Variants in DOCK3 observed in about 807,000 individuals in gnomAD.
The protein encoded by DOCK3 is dedicator of cytokinesis 3.
DOCK3 carries 60 observed loss-of-function variants against 265.6 expected under a neutral mutation model. That is an observed-to-expected ratio of 0.23 (90% CI 0.18 to 0.28). The LOEUF (loss-of-function observed/expected upper bound fraction) is 0.28. DOCK3 is among the 10% of genes least tolerant of loss of function. The probability of loss-of-function intolerance (pLI) is 1.00; values close to 1 mark genes in which losing one functional copy is unlikely to be tolerated. For missense variants in DOCK3, 1,981 were observed against 2,594.3 expected (o/e 0.76, Z 5.14); for synonymous variants, 881 against 938.0 (o/e 0.94, Z 1.11).
intron 3 of DOCK3, among the ~76,000 whole-genome samples, chr3:50,888,789 G>T (rs1461229897): frequency 3.9e-5 from 6 of 152,090 alleles, no homozygotes; most frequent in African/African-American, 1.4e-4. Flanking sequence ...AAATGGTGCT[G>T]GGAAAACTGG....
intron 1 of DOCK3, among the ~76,000 whole-genome samples, chr3:50,697,561 A>C (rs2035714604): frequency 6.6e-6 from 1 of 152,226 alleles, no homozygotes; most frequent in Admixed American, 6.5e-5. Context: ...ACTGCACTCC[A>C]GCCTGGGCAA....
intron 4 of DOCK3, among the ~76,000 whole-genome samples, chr3:50,907,770 A>G (rs2049609802): frequency 2.6e-5 from 4 of 152,082 alleles, no homozygotes. Flanking sequence ...GAATATTGTT[A>G]TGTGTGAATT....
chr3:50,767,082 G>T (rs188276576), intron 1 of DOCK3, among the ~76,000 whole-genome samples: 428 of 152,274 alleles, frequency 2.8e-3, no homozygotes, highest in Non-Finnish European at 4.7e-3. Flanking sequence ...TGTTCGCTCT[G>T]ATGGTAGTTT....
chr3:51,002,994 T>A (rs1001719618), intron 5 of DOCK3, among the ~76,000 whole-genome samples: 2 of 152,214 alleles, frequency 1.3e-5, no homozygotes, highest in Non-Finnish European at 2.9e-5. Context: ...ATGCCCTGAC[T>A]AGTCAAATAC....
At chr3:50,925,502 C>T (rs956592509) in intron 4 of DOCK3, among the ~76,000 whole-genome samples, 1 of 151,968 alleles carries the variant, frequency 6.6e-6, no homozygotes, top group African/African-American at 2.4e-5. Context: ...ATGATCATGC[C>T]TGTGAATAGG....
chr3:50,819,215 C>CCT (rs2044265036), intron 2 of DOCK3, among the ~76,000 whole-genome samples: 1 of 152,054 alleles, frequency 6.6e-6, no homozygotes, highest in Non-Finnish European at 1.5e-5. Flanking sequence ...TGCTTGATTC[C>CCT]AGCTTCCAGT....
chr3:50,735,366 T>C (rs773528395), intron 1 of DOCK3, among the ~76,000 whole-genome samples: 1 of 152,150 alleles, frequency 6.6e-6, no homozygotes, highest in Non-Finnish European at 1.5e-5. Flanking sequence ...TTTTTTGAGA[T>C]GGAGTCTCTG....
At chr3:51,262,337 A>G (rs2079900454) in intron 23 of DOCK3, among the ~76,000 whole-genome samples, 1 of 152,232 alleles carries the variant, frequency 6.6e-6, no homozygotes, top group African/African-American at 2.4e-5. Flanking sequence ...GACTGTTAGA[A>G]GAAAAACTAA....
Position 50,926,887 on chromosome 3 carries a change from C to T in DOCK3, c.219-7094C>T, listed in dbSNP as rs553369053. 3.3e-5 allele frequency among the ~76,000 whole-genome samples: 5 copies of T among 152,312 alleles called. No individual in the cohort carries two copies. The South Asian group carries it at 1.0e-3, about 32-fold the overall frequency. ...TGGTCTCCCTGTTTCTATCCATGTT[C>T]CCTTGCAGTTTATAGTGCAACATAA... On this transcript the variant is annotated intron_variant, in intron 4 of 52. Transcript: ENST00000266037.
intron 5 of DOCK3, among the ~76,000 whole-genome samples, chr3:51,053,189 C>T (rs2081073639): frequency 7.0e-6 from 1 of 142,630 alleles, no homozygotes; most frequent in African/African-American, 2.6e-5. Context: ...ATTCCTGTCC[C>T]TATCTCTCCC....
chr3:51,362,643 G>C lies in DOCK3; in HGVS notation c.5262G>C (p.Gln1754His). Residue 1754 changes from glutamine (Q) to histidine (H), a missense_variant, in exon 49 of 53, where the codon CAG becomes CAC. Physicochemically the swap from Gln to His is conservative, Grantham distance 24. Coordinates refer to ENST00000266037, the MANE Select transcript of DOCK3 (RefSeq NM_004947.5). ...GTTCCACTCACTCAGCACCATCCCA[G>C]ATGATTACCTCTGCCCCTTCCAGTG... ...SLSSTHSAPS[Q>H]MITSAPSSAR... 1 of 1,613,860 alleles carries C rather than the reference G, an allele frequency of 6.2e-7. No homozygotes were observed. The highest frequency in any genetic ancestry group is 8.5e-7 in the Non-Finnish European group (1 of 1,179,848).
intron 23 of DOCK3, among the ~76,000 whole-genome samples, chr3:51,269,602 A>G (rs2080388894): frequency 6.6e-6 from 1 of 152,148 alleles, no homozygotes; most frequent in Admixed American, 6.5e-5. Flanking sequence ...TGCCTGATGG[A>G]GCAGTCAAGA....
At chr3:51,357,276 A>T (rs1175405498) in intron 44 of DOCK3, 135 bp downstream of exon 44, 8 of 989,102 alleles carry the variant, frequency 8.1e-6, no homozygotes, top group African/African-American at 1.6e-5. Context: ...TCCTGGAATG[A>T]GGCCCTAAGC....
intron 3 of DOCK3, among the ~76,000 whole-genome samples, chr3:50,883,230 A>C (rs977645784): frequency 1.3e-5 from 2 of 152,048 alleles, no homozygotes; most frequent in Non-Finnish European, 2.9e-5. Context: ...ACAAACCTGC[A>C]CGTTGTGCAC....
chr3:50,695,675 A>C (rs147306104), intron 1 of DOCK3, among the ~76,000 whole-genome samples: 18 of 152,340 alleles, frequency 1.2e-4, no homozygotes, highest in Non-Finnish European at 7.3e-5. Context: ...AACTTTCCAC[A>C]ATCCTCAGCT....
intron 9 of DOCK3, among the ~76,000 whole-genome samples, chr3:51,105,567 T>TG (rs2083250007): frequency 6.6e-6 from 1 of 152,196 alleles, no homozygotes; most frequent in Non-Finnish European, 1.5e-5. Context: ...TATCTATATA[T>TG]AATGGAATAC....
At chr3:51,069,146 T>C (rs893307967) in intron 6 of DOCK3, among the ~76,000 whole-genome samples, 2 of 152,210 alleles carry the variant, frequency 1.3e-5, no homozygotes, top group African/African-American at 4.8e-5. Context: ...TATTAAATTG[T>C]ATCAGATAGA....
chr3:50,699,713 T>C (rs2035909821), intron 1 of DOCK3, among the ~76,000 whole-genome samples: 1 of 152,206 alleles, frequency 6.6e-6, no homozygotes, highest in Non-Finnish European at 1.5e-5. Context: ...GACAAGGTTC[T>C]TTTACTGCAG....
At chr3:50,779,063 A>G (rs2041771405) in intron 2 of DOCK3, among the ~76,000 whole-genome samples, 1 of 152,196 alleles carries the variant, frequency 6.6e-6, no homozygotes, top group Non-Finnish European at 1.5e-5. Context: ...ATCACATGGT[A>G]CATGTAGTAT....
Sources: gnomAD v4.1 joint callset for allele counts (sites outside exome capture counted in the v4.1 genomes callset) on GRCh38, gnomAD v4.1.1 for gene constraint, MANE v1.5 for transcripts, NCBI Gene and HGNC (gene_info 2026-07-23, HGNC 2026-07-21) for gene names.